CNTNAP4: variants seen among roughly 807,000 people sequenced by gnomAD.
CNTNAP4 encodes contactin associated protein family member 4, also known as contactin-associated protein-like 4.
In CNTNAP4, 98 loss-of-function variants were observed where a neutral mutation model predicts 148.4. The ratio of observed to expected loss-of-function variants is 0.66; its 90% CI spans 0.56 to 0.78. The LOEUF (loss-of-function observed/expected upper bound fraction) is 0.78. Ranked by LOEUF, CNTNAP4 falls within the 30% of genes least tolerant of loss-of-function variation. CNTNAP4 has a pLI of 0.00. For synonymous variants in CNTNAP4, 730 were observed against 565.1 expected, an observed-to-expected ratio of 1.29 and a Z score of -4.14; for missense variants, 1,935 against 1,565.6, an observed-to-expected ratio of 1.24 and a Z score of -3.98.
intron 21 of CNTNAP4, among the ~76,000 whole-genome samples, chr16:76,543,545 G>A (rs1036432152): frequency 3.3e-5 from 5 of 152,250 alleles, no homozygotes; most frequent in Non-Finnish European, 7.3e-5. Context: ...AGGACCGTTA[G>A]ATGTCCATGA....
At chr16:76,378,633 C>T (rs997570953) in intron 3 of CNTNAP4, among the ~76,000 whole-genome samples, 4 of 152,174 alleles carry the variant, frequency 2.6e-5, no homozygotes, top group Non-Finnish European at 4.4e-5. Context: ...TCCCTGGCCT[C>T]ACTGTTGTGA....
chr16:76,464,465 C>A (rs557586620), intron 9 of CNTNAP4, among the ~76,000 whole-genome samples: 3 of 152,130 alleles, frequency 2.0e-5, no homozygotes, highest in Non-Finnish European at 2.9e-5. Context: ...CAGTCGTTCC[C>A]CCTGGAAAGT....
At chr16:76,311,015 A>C (rs1271707317) in intron 1 of CNTNAP4, among the ~76,000 whole-genome samples, 1 of 152,076 alleles carries the variant, frequency 6.6e-6, no homozygotes, top group Non-Finnish European at 1.5e-5. Flanking sequence ...AATAATATCA[A>C]ATATATTGGG....
intron 3 of CNTNAP4, among the ~76,000 whole-genome samples, chr16:76,423,789 A>T (rs917206450): frequency 6.6e-6 from 1 of 152,208 alleles, no homozygotes; most frequent in East Asian, 1.9e-4. Flanking sequence ...ATCAGTTAAT[A>T]AATATAATAA....
rs146326294 is a variant in CNTNAP4, at chr16:76,307,954, A to G, written c.86-8459A>G. Among the ~76,000 whole-genome samples, 719 of 152,346 alleles carry G rather than the reference A, an allele frequency of 4.7e-3. 9 individuals are homozygous for G. The highest frequency in any genetic ancestry group is 0.017 in the African/African-American group (702 of 41,582). On this transcript the variant is annotated intron_variant, in intron 1 of 23. Coordinates refer to ENST00000611870, the MANE Select transcript of CNTNAP4 (RefSeq NM_033401.5). ...GCTTAGGTCAATAACATCACAGAGA[A>G]TTAACAGTTATATATAAATTCTACT...
intron 3 of CNTNAP4, among the ~76,000 whole-genome samples, chr16:76,392,871 C>T (rs925252704): frequency 6.6e-6 from 1 of 152,168 alleles, no homozygotes; most frequent in Non-Finnish European, 1.5e-5. Flanking sequence ...AATGAAAGGT[C>T]GCTGCAGCTG....
intron 2 of CNTNAP4, among the ~76,000 whole-genome samples, chr16:76,342,912 A>G (rs16944247): frequency 6.6e-6 from 1 of 152,176 alleles, no homozygotes; most frequent in Non-Finnish European, 1.5e-5. Flanking sequence ...TTGCTTATCA[A>G]AAGTATTTGC....
At chr16:76,536,487 T>G (rs2144253294) in intron 18 of CNTNAP4, among the ~76,000 whole-genome samples, 1 of 152,266 alleles carries the variant, frequency 6.6e-6, no homozygotes. Flanking sequence ...TGAGTCCCCA[T>G]GCCCGGCCCT....
At chr16:76,319,322 G>A (rs992986926) in intron 2 of CNTNAP4, among the ~76,000 whole-genome samples, 1 of 152,088 alleles carries the variant, frequency 6.6e-6, no homozygotes, top group Non-Finnish European at 1.5e-5. Context: ...AACCCAGGGG[G>A]TGCAGGTAAC....
In CNTNAP4 at chr16:76,399,082, A is replaced by G. The variant is rs553270156; in HGVS notation, c.391-28370A>G. On this transcript the variant is annotated intron_variant, in intron 3 of 23. Transcript: ENST00000611870. ...TCTCTTGCCTGCCACCATGTAAGATATGCCTTTGCTTCTCCTTTGCCTGCT... is the reference window on the plus strand; with the variant it reads ...TCTCTTGCCTGCCACCATGTAAGATGTGCCTTTGCTTCTCCTTTGCCTGCT... Among the ~76,000 whole-genome samples, 57 of 152,222 alleles carry G rather than the reference A, an allele frequency of 3.7e-4. No individual in the cohort carries two copies. The East Asian group carries it at 6.6e-3, about 18-fold the overall frequency.
chr16:76,448,479 A>G (rs1185929108), intron 5 of CNTNAP4, among the ~76,000 whole-genome samples: 1 of 152,158 alleles, frequency 6.6e-6, no homozygotes, highest in Non-Finnish European at 1.5e-5. Context: ...GGTCATTGAA[A>G]AATGTTGAGG....
chr16:76,452,919 A>C, intron 8 of CNTNAP4, 150 bp downstream of exon 8: 2 of 732,290 alleles, frequency 2.7e-6, no homozygotes, highest in South Asian at 5.6e-5. Flanking sequence ...TCCTTAGAGG[A>C]ACTTGATTCC....
intron 2 of CNTNAP4, 113 bp downstream of exon 2, chr16:76,316,636 T>A: frequency 1.4e-6 from 1 of 714,920 alleles, no homozygotes; most frequent in Non-Finnish European, 2.4e-6. Context: ...AATTTCGAAA[T>A]AAGCAAATGG....
At chr16:76,460,773 A>AATATATATAT (rs150425968) in intron 8 of CNTNAP4, among the ~76,000 whole-genome samples, 4 of 57,324 alleles carry the variant, frequency 7.0e-5, no homozygotes, top group East Asian at 5.1e-4. Context: ...AAAAAAAAAA[A>AATATATATAT]ATATATATAT....
At chr16:76,365,453 A>G (rs929512580) in intron 3 of CNTNAP4, among the ~76,000 whole-genome samples, 4 of 152,132 alleles carry the variant, frequency 2.6e-5, no homozygotes, top group Non-Finnish European at 4.4e-5. Flanking sequence ...ATACAATTAT[A>G]TTTCTTAAAA....
intron 8 of CNTNAP4, among the ~76,000 whole-genome samples, chr16:76,454,668 A>C (rs2080653721): frequency 2.0e-5 from 3 of 152,186 alleles, no homozygotes; most frequent in South Asian, 2.1e-4. Context: ...TAGACTATTT[A>C]AATGGTAGTT....
At chr16:76,540,637 G>T in intron 20 of CNTNAP4, 66 bp from the exon 21 acceptor site, 3 of 1,173,746 alleles carry the variant, frequency 2.6e-6, no homozygotes, top group South Asian at 2.7e-5. Context: ...GTCCTCTGTT[G>T]CTTCCTGTCT....
chr16:76,480,736 CA>C (rs1165962873), intron 12 of CNTNAP4, among the ~76,000 whole-genome samples: 1 of 150,788 alleles, frequency 6.6e-6, no homozygotes, highest in Non-Finnish European at 1.5e-5. Context: ...GACTCTGTCT[CA>C]AAAAAAGAAA....
intron 2 of CNTNAP4, among the ~76,000 whole-genome samples, chr16:76,330,764 C>G (rs945118003): frequency 6.6e-6 from 1 of 152,004 alleles, no homozygotes; most frequent in Non-Finnish European, 1.5e-5. Flanking sequence ...AGTAAAAATA[C>G]AGAAAGAGCT....
Sources: gnomAD v4.1 joint callset for allele counts (sites outside exome capture counted in the v4.1 genomes callset) on GRCh38, gnomAD v4.1.1 for gene constraint, MANE v1.5 for transcripts, NCBI Gene and HGNC (gene_info 2026-07-23, HGNC 2026-07-21) for gene names.